The following TRAT1 variants were observed in gnomAD, a reference collection of about 807,000 sequenced individuals.
The protein encoded by TRAT1 is T cell receptor associated transmembrane adaptor 1.
In TRAT1, 20 loss-of-function variants were observed where a neutral mutation model predicts 20.0. The observed-to-expected ratio is 1.00, with a 90% CI of 0.70 to 1.45. The LOEUF (loss-of-function observed/expected upper bound fraction) is 1.45. Ranked by LOEUF, TRAT1 falls within the 40% of genes most tolerant of loss-of-function variation. TRAT1 has a pLI of 0.00. For synonymous variants in TRAT1, 77 were observed against 74.2 expected, an observed-to-expected ratio of 1.04 and a Z score of -0.20; for missense variants, 237 against 224.1, an observed-to-expected ratio of 1.06 and a Z score of -0.37.
Position 108,830,852 on chromosome 3 carries a change from G to A in TRAT1, c.118+72G>A, listed in dbSNP as rs76116907. 1.6e-3 allele frequency: 1,446 copies of A among 910,802 alleles called. 38 individuals are homozygous for A. The East Asian group carries it at 0.031, about 19-fold the overall frequency. The allele number at this position is 910,802 out of a possible 1,614,324, so 56.4% of individuals were successfully genotyped here. A position where few individuals can be genotyped will look rare whatever the true frequency, so the allele number is the denominator to read the frequency against. On this transcript the variant is annotated intron_variant, in intron 2 of 5. Transcript: ENST00000295756. Reference sequence around the variant, plus strand: ...CTATGGAGTCACTGGAAAACCTATGGAAGCAGACAATTTTATGAAATGTCA... The same window carrying A: ...CTATGGAGTCACTGGAAAACCTATGAAAGCAGACAATTTTATGAAATGTCA...
intron 3 of TRAT1, 66 bp downstream of exon 3, chr3:108,839,033 G>T: frequency 3.1e-6 from 4 of 1,275,038 alleles, no homozygotes; most frequent in Non-Finnish European, 4.6e-6. Context: ...ATGCTATATT[G>T]TTTAAAGATT....
At position 108,830,718 on chromosome 3, in the gene TRAT1, G is replaced by T; in HGVS notation, c.56G>T (p.Gly19Val). 6.2e-7 allele frequency: 1 copy of T among 1,613,940 alleles called. No individual in the cohort carries two copies. Among genetic ancestry groups the T allele is most frequent in the East Asian group, 2.2e-5 (1 of 44,858 alleles). The change falls in exon 2 of 6, where the codon GGC becomes GTC. Residue 19 changes from glycine to valine, a missense_variant. Coordinates refer to ENST00000295756, the MANE Select transcript of TRAT1 (RefSeq NM_016388.4). ...CTCTGGGGACTTCTAGCATTGTTGGGCTTGGCTTTGGTTATATCACTGATC... is the reference window on the plus strand; with the variant it reads ...CTCTGGGGACTTCTAGCATTGTTGGTCTTGGCTTTGGTTATATCACTGATC... ...FFLWGLLALL[G>V]LALVISLIFN...
intron 2 of TRAT1, among the ~76,000 whole-genome samples, chr3:108,836,140 G>T (rs564466537): frequency 6.6e-6 from 1 of 152,110 alleles, no homozygotes; most frequent in South Asian, 2.1e-4. Flanking sequence ...GGATAGTCCC[G>T]ATCTCCCGAC....
chr3:108,825,084 A>C (rs1353339817), intron 1 of TRAT1, among the ~76,000 whole-genome samples: 1 of 151,968 alleles, frequency 6.6e-6, no homozygotes, highest in Non-Finnish European at 1.5e-5. Context: ...AAGTCAAAAC[A>C]AAACAAAATT....
intron 1 of TRAT1, among the ~76,000 whole-genome samples, chr3:108,827,856 C>T (rs1296323781): frequency 2.6e-5 from 4 of 152,098 alleles, no homozygotes; most frequent in African/African-American, 9.7e-5. Context: ...CTTAGTGTTT[C>T]TGACATATTT....
At chr3:108,843,165 C>T (rs950072434) in intron 3 of TRAT1, among the ~76,000 whole-genome samples, 5 of 152,168 alleles carry the variant, frequency 3.3e-5, no homozygotes, top group Non-Finnish European at 5.9e-5. Context: ...TTTCTGTCCC[C>T]TTTGTATCAT....
chr3:108,829,517 G>A (rs2107506813), intron 1 of TRAT1, among the ~76,000 whole-genome samples: 1 of 151,826 alleles, frequency 6.6e-6, no homozygotes, highest in Non-Finnish European at 1.5e-5. Flanking sequence ...CTGGGAGGTG[G>A]AGGTTGTAGT....
chr3:108,853,293 G>A (rs1198857943), intron 5 of TRAT1, among the ~76,000 whole-genome samples: 2 of 152,072 alleles, frequency 1.3e-5, no homozygotes, highest in Non-Finnish European at 2.9e-5. Flanking sequence ...TGGTAAGAGC[G>A]ACACAGGGCC....
At chr3:108,849,332 A>G (rs1196811115) in intron 5 of TRAT1, 78 bp downstream of exon 5, 7 of 1,230,620 alleles carry the variant, frequency 5.7e-6, no homozygotes, top group Non-Finnish European at 7.0e-6. Flanking sequence ...CATCTGAAAT[A>G]GCCTGTTAGA....
At chr3:108,837,329 G>T (rs371474971) in intron 2 of TRAT1, among the ~76,000 whole-genome samples, 33 of 152,164 alleles carry the variant, frequency 2.2e-4, no homozygotes, top group African/African-American at 7.2e-4. Context: ...TAGTGCATAT[G>T]CTCCGCAAAA....
intron 5 of TRAT1, among the ~76,000 whole-genome samples, chr3:108,849,683 A>G (rs951653484): frequency 1.3e-5 from 2 of 152,316 alleles, no homozygotes; most frequent in African/African-American, 4.8e-5. Context: ...TCATATCCCT[A>G]TTTTAAAAGG....
chr3:108,853,801 C>T lies in TRAT1; in HGVS notation c.485C>T (p.Ala162Val). 1.2e-6 allele frequency: 2 copies of T among 1,614,076 alleles called. No homozygotes were observed. The highest frequency in any genetic ancestry group is 8.5e-7 in the Non-Finnish European group (1 of 1,179,948). Residue 162 changes from alanine (A) to valine (V), a missense_variant, in exon 6 of 6, where the codon GCA becomes GTA. Coordinates refer to ENST00000295756, the MANE Select transcript of TRAT1 (RefSeq NM_016388.4). ...GACAGTTTCTCCCCAGAAAGCCAGG[C>T]AGTAGAGGAAAACATTCATGATGAT... The part of the protein sequence containing the change: ...LVDSFSPESQ[A>V]VEENIHDDPI...
intron 4 of TRAT1, 39 bp from the exon 5 acceptor site, chr3:108,849,127 A>C (rs1945973090): frequency 6.4e-7 from 1 of 1,557,930 alleles, no homozygotes; most frequent in Non-Finnish European, 8.8e-7. Flanking sequence ...AGTATTTTTA[A>C]ATTTTCTATT....
intron 3 of TRAT1, among the ~76,000 whole-genome samples, chr3:108,844,309 A>G (rs187304278): frequency 6.6e-6 from 1 of 151,518 alleles, no homozygotes; most frequent in African/African-American, 2.4e-5. Context: ...GTGATCAGGT[A>G]GAAGTAGTGA....
intron 1 of TRAT1, 110 bp from the exon 2 acceptor site, chr3:108,830,560 T>C: frequency 1.4e-6 from 1 of 721,496 alleles, no homozygotes; most frequent in Non-Finnish European, 2.5e-6. Flanking sequence ...CGGTAGAGAC[T>C]GTGTACTTCA....
intron 1 of TRAT1, among the ~76,000 whole-genome samples, chr3:108,824,714 C>T (rs1480197291): frequency 6.6e-6 from 1 of 152,148 alleles, no homozygotes; most frequent in African/African-American, 2.4e-5. Context: ...AATTTTCATA[C>T]CTCTCCTTAT....
At chr3:108,842,804 T>C (rs769995172) in intron 3 of TRAT1, among the ~76,000 whole-genome samples, 5 of 152,204 alleles carry the variant, frequency 3.3e-5, no homozygotes, top group African/African-American at 7.2e-5. Context: ...GCACTGGCAA[T>C]GTGAGCTCAT....
chr3:108,827,004 C>T (rs1253694192), intron 1 of TRAT1, among the ~76,000 whole-genome samples: 1 of 152,092 alleles, frequency 6.6e-6, no homozygotes, highest in Non-Finnish European at 1.5e-5. Flanking sequence ...TTAAGGGAGT[C>T]AGAGGTTTTA....
At position 108,847,141 on chromosome 3, in the gene TRAT1, A is replaced by G. The variant is rs755521615; in HGVS notation, c.214+12A>G. On this transcript the variant is annotated intron_variant, in intron 4 of 5. Transcript: ENST00000295756. ...TGATATGATTTCAGGTAAGTTTTCCATAAGTTAAATTTATAAATAAGTAAA... is the reference window on the plus strand; with the variant it reads ...TGATATGATTTCAGGTAAGTTTTCCGTAAGTTAAATTTATAAATAAGTAAA... The G allele has an allele frequency of 1.4e-6, 2 of 1,477,742 alleles. No homozygotes were observed. The highest frequency in any genetic ancestry group is 1.9e-6 in the Non-Finnish European group (2 of 1,072,562). 91.5% of individuals were successfully genotyped at this position (1,477,742 alleles called of 1,614,324 possible). A position where few individuals can be genotyped will look rare whatever the true frequency, so the allele number is the denominator to read the frequency against.
Sources: allele counts gnomAD v4.1 joint callset (sites outside exome capture counted in the v4.1 genomes callset), GRCh38; gene constraint gnomAD v4.1.1; transcripts MANE v1.5; gene names NCBI Gene and HGNC (gene_info 2026-07-23, HGNC 2026-07-21).